Variants in PPP1R12A observed in about 807,000 individuals in gnomAD.
PPP1R12A encodes myosin binding subunit.
A neutral mutation model predicts 139.6 loss-of-function variants in PPP1R12A; 19 were observed. That is an observed-to-expected ratio of 0.14 (90% confidence interval 0.09 to 0.20). PPP1R12A has a LOEUF of 0.20. Among genes scored for constraint, PPP1R12A ranks in the 10% least tolerant of loss-of-function variants. PPP1R12A has a pLI of 1.00. For synonymous variants in PPP1R12A, 427 were observed against 420.6 expected, an observed-to-expected ratio of 1.02 and a Z score of -0.19; for missense variants, 925 against 1,211.5, an observed-to-expected ratio of 0.76 and a Z score of 3.51.
chr12:79,925,273 T>G (rs1887749094), intron 1 of PPP1R12A, among the ~76,000 whole-genome samples: 1 of 152,180 alleles, frequency 6.6e-6, no homozygotes, highest in Non-Finnish European at 1.5e-5. Flanking sequence ...TGTGTGTGTG[T>G]GTGTGTGTAA....
intron 1 of PPP1R12A, among the ~76,000 whole-genome samples, chr12:79,930,340 T>C (rs1221614867): frequency 1.3e-5 from 2 of 152,164 alleles, no homozygotes; most frequent in African/African-American, 4.8e-5. Flanking sequence ...TAAAATGTAC[T>C]ATATCCAAAT....
chr12:79,919,241 G>A (rs367902912), intron 1 of PPP1R12A, among the ~76,000 whole-genome samples: 1 of 151,910 alleles, frequency 6.6e-6, no homozygotes, highest in Non-Finnish European at 1.5e-5. Context: ...TCGCTGAGCA[G>A]CTCAAACATC....
intron 1 of PPP1R12A, among the ~76,000 whole-genome samples, chr12:79,921,589 C>A (rs1887444160): frequency 6.6e-6 from 1 of 152,158 alleles, no homozygotes; most frequent in South Asian, 2.1e-4. Context: ...CTCTACTCTA[C>A]CACTTATTTA....
intron 1 of PPP1R12A, among the ~76,000 whole-genome samples, chr12:79,911,346 G>C (rs1281826391): frequency 6.6e-6 from 1 of 151,982 alleles, no homozygotes; most frequent in African/African-American, 2.4e-5. Flanking sequence ...ACTAACACAG[G>C]AACAGCAAAC....
chr12:79,887,208 G>A (rs565877340), intron 1 of PPP1R12A, among the ~76,000 whole-genome samples: 4 of 152,236 alleles, frequency 2.6e-5, no homozygotes, highest in Middle Eastern at 3.4e-3. Flanking sequence ...TCTTAAATAA[G>A]TAGGCATTTA....
chr12:79,810,249 A>G (rs925592660), intron 9 of PPP1R12A, among the ~76,000 whole-genome samples: 1 of 152,230 alleles, frequency 6.6e-6, no homozygotes, highest in African/African-American at 2.4e-5. Context: ...CACACTTTAT[A>G]TCACACAGAA....
At chr12:79,868,660 T>G (rs1167688745) in intron 2 of PPP1R12A, among the ~76,000 whole-genome samples, 1 of 151,812 alleles carries the variant, frequency 6.6e-6, no homozygotes, top group African/African-American at 2.4e-5. Flanking sequence ...GTCTTCCTCT[T>G]ATAAGAAAAC....
intron 3 of PPP1R12A, among the ~76,000 whole-genome samples, chr12:79,835,366 T>C (rs898711774): frequency 6.6e-5 from 10 of 152,218 alleles, no homozygotes; most frequent in Non-Finnish European, 1.0e-4. Context: ...AGGTGACCTA[T>C]TGTGGGACTT....
intron 2 of PPP1R12A, among the ~76,000 whole-genome samples, chr12:79,860,567 G>A (rs1398585800): frequency 6.6e-6 from 1 of 152,176 alleles, no homozygotes; most frequent in Non-Finnish European, 1.5e-5. Context: ...AAGATGGGGG[G>A]ATTAATACTT....
At chr12:79,930,527 C>A (rs566766416) in intron 1 of PPP1R12A, among the ~76,000 whole-genome samples, 95 of 152,228 alleles carry the variant, frequency 6.2e-4, no homozygotes, top group Non-Finnish European at 1.2e-3. Context: ...AATCCCAGCA[C>A]TTTGGGAGGC....
At chr12:79,905,684 G>A (rs949004729) in intron 1 of PPP1R12A, among the ~76,000 whole-genome samples, 1 of 152,080 alleles carries the variant, frequency 6.6e-6, no homozygotes, top group African/African-American at 2.4e-5. Flanking sequence ...GATAGTCTTT[G>A]CTTCACTCTT....
chr12:79,807,189 T>C lies in PPP1R12A; in HGVS notation c.1655+37A>G, dbSNP rs1215684859. The stretch of plus-strand genomic sequence containing the variant: ...ACAAATTGCCTCATATTTTTATAAA[T>C]GAATACATAAAAACCGCTTAAGAAT... On this transcript the variant is annotated intron_variant, in intron 12 of 24. Transcript: ENST00000450142. 3.4e-6 allele frequency: 4 copies of C among 1,182,380 alleles called. No homozygotes were observed. The South Asian group carries it at 4.5e-5, about 13-fold the overall frequency. 73.2% of individuals were successfully genotyped at this position (1,182,380 alleles called of 1,614,324 possible).
intron 4 of PPP1R12A, among the ~76,000 whole-genome samples, chr12:79,829,880 A>C (rs1339869070): frequency 1.3e-5 from 2 of 152,094 alleles, no homozygotes; most frequent in Non-Finnish European, 2.9e-5. Flanking sequence ...ATATTCAAGG[A>C]GCTTTTACTG....
intron 20 of PPP1R12A, among the ~76,000 whole-genome samples, chr12:79,790,149 C>G (rs549678905): frequency 6.6e-6 from 1 of 152,186 alleles, no homozygotes; most frequent in African/African-American, 2.4e-5. Context: ...ATTCTGAATA[C>G]TTAATCAAAT....
chr12:79,921,060 C>T (rs35634932), intron 1 of PPP1R12A, among the ~76,000 whole-genome samples: 12,074 of 152,150 alleles, frequency 0.079, 1,209 homozygotes, highest in African/African-American at 0.24. Context: ...TATGAGGGTA[C>T]TGTTGGTATA....
intron 19 of PPP1R12A, among the ~76,000 whole-genome samples, chr12:79,791,764 T>A (rs1461479999): frequency 2.6e-5 from 4 of 152,218 alleles, no homozygotes; most frequent in Non-Finnish European, 4.4e-5. Context: ...TCGCTAGAAC[T>A]TTTTCATCTT....
intron 10 of PPP1R12A, 151 bp downstream of exon 10, chr12:79,809,644 T>C: frequency 1.6e-6 from 1 of 626,466 alleles, no homozygotes; most frequent in South Asian, 2.1e-5. Context: ...TATAATTCTG[T>C]ATAAATTACA....
intron 2 of PPP1R12A, among the ~76,000 whole-genome samples, chr12:79,851,338 C>CT (rs1880017553): frequency 6.6e-6 from 1 of 152,162 alleles, no homozygotes; most frequent in South Asian, 2.1e-4. Flanking sequence ...TTCCCATTTT[C>CT]TTTTGAAAGT....
intron 1 of PPP1R12A, among the ~76,000 whole-genome samples, chr12:79,906,104 CAATA>C (rs1352185798): frequency 6.6e-6 from 1 of 151,866 alleles, no homozygotes; most frequent in Non-Finnish European, 1.5e-5. Context: ...AGCAAGCATA[CAATA>C]AATATTTACT....
Sources: gnomAD v4.1 joint callset for allele counts (sites outside exome capture counted in the v4.1 genomes callset) on GRCh38, gnomAD v4.1.1 for gene constraint, MANE v1.5 for transcripts, NCBI Gene and HGNC (gene_info 2026-07-23, HGNC 2026-07-21) for gene names.